Variants in ITGA9 observed in about 807,000 individuals in gnomAD.
ITGA9 encodes the protein integrin subunit alpha 9, also known as integrin alpha-9.
ITGA9 carries 56 observed loss-of-function variants against 127.8 expected under a neutral mutation model. The observed-to-expected ratio is 0.44, with a 90% CI of 0.35 to 0.55. ITGA9 has a LOEUF of 0.55. Ranked by LOEUF, ITGA9 falls within the 20% of genes least tolerant of loss-of-function variation. The probability of loss-of-function intolerance (pLI) is 0.00; values close to 1 mark genes in which losing one functional copy is unlikely to be tolerated. For missense variants in ITGA9, 1,196 were observed against 1,347.1 expected (o/e 0.89, Z 1.76); for synonymous variants, 508 against 514.5 (o/e 0.99, Z 0.17).
chr3:37,795,483 A>T (rs1470258012), intron 26 of ITGA9, among the ~76,000 whole-genome samples: 1 of 152,144 alleles, frequency 6.6e-6, no homozygotes, highest in Non-Finnish European at 1.5e-5. Context: ...CAGCTTGGCA[A>T]CCTCAGGTAC....
intron 5 of ITGA9, among the ~76,000 whole-genome samples, chr3:37,499,417 T>C (rs1375090680): frequency 1.3e-5 from 2 of 152,250 alleles, no homozygotes. Flanking sequence ...GTTCTGCTAA[T>C]AAATGCATCT....
intron 21 of ITGA9, 118 bp from the exon 22 acceptor site, chr3:37,743,808 A>G (rs767136246): frequency 1.6e-5 from 12 of 764,486 alleles, no homozygotes; most frequent in Non-Finnish European, 2.6e-5. Flanking sequence ...CCAGCAGGGA[A>G]GCACTGGGTG....
At chr3:37,603,549 A>G (rs1699941215) in intron 15 of ITGA9, among the ~76,000 whole-genome samples, 1 of 152,198 alleles carries the variant, frequency 6.6e-6, no homozygotes. Flanking sequence ...CCGTCAGGTT[A>G]TAATAGGGAA....
chr3:37,516,556 A>C (rs1698985682), intron 9 of ITGA9, among the ~76,000 whole-genome samples: 1 of 152,216 alleles, frequency 6.6e-6, no homozygotes, highest in Non-Finnish European at 1.5e-5. Flanking sequence ...ACTACACTGA[A>C]AGAAAGAAAT....
At chr3:37,780,093 A>G in intron 25 of ITGA9, 72 bp downstream of exon 25, 1 of 1,578,202 alleles carries the variant, frequency 6.3e-7, no homozygotes, top group South Asian at 1.1e-5. Context: ...ATTTTGGGTA[A>G]AAAAAAGGAA....
chr3:37,752,969 C>T (rs1033898996), intron 23 of ITGA9, among the ~76,000 whole-genome samples: 10 of 152,140 alleles, frequency 6.6e-5, no homozygotes, highest in African/African-American at 2.4e-4. Flanking sequence ...TTGTATTTAC[C>T]TTAAAAACAG....
intron 26 of ITGA9, chr3:37,790,948 A>T (rs1165470038): frequency 6.6e-6 from 1 of 152,234 alleles, no homozygotes; most frequent in African/African-American, 2.4e-5. Flanking sequence ...GTAGTTAATC[A>T]TGCCCTGGAA....
chr3:37,460,147 T>C (rs1029931288), intron 1 of ITGA9, among the ~76,000 whole-genome samples: 1 of 152,178 alleles, frequency 6.6e-6, no homozygotes, highest in African/African-American at 2.4e-5. Context: ...CCACCACTTA[T>C]TTAGGAATCT....
chr3:37,514,882 C>T (rs9839925), intron 9 of ITGA9, among the ~76,000 whole-genome samples: 5,625 of 152,158 alleles, frequency 0.037, 311 homozygotes, highest in African/African-American at 0.13. Flanking sequence ...CTTGGTGTCC[C>T]CTATTCTGCA....
intron 6 of ITGA9, 108 bp downstream of exon 6, chr3:37,503,415 C>A: frequency 8.0e-7 from 1 of 1,257,842 alleles, no homozygotes; most frequent in Non-Finnish European, 1.1e-6. Flanking sequence ...TTGGCTTTGA[C>A]GCCTGTTGTT....
intron 26 of ITGA9, among the ~76,000 whole-genome samples, chr3:37,793,097 G>A (rs190418738): frequency 9.2e-5 from 14 of 152,084 alleles, no homozygotes; most frequent in South Asian, 2.1e-4. Context: ...GTTTCCAGTC[G>A]TCATGATGAG....
Position 37,717,333 on chromosome 3 carries a change from G to T in ITGA9, c.2068-15379G>T, listed in dbSNP as rs568457050. ...ATAAGTAAACCCTTAGCTACATCAG[G>T]CAGTTTATGAATGGTGTTTTTTGTT... On this transcript the variant is annotated intron_variant, in intron 18 of 27. Transcript: ENST00000264741. Among the ~76,000 whole-genome samples the T allele has an allele frequency of 2.6e-5, 4 of 152,290 alleles. No homozygotes were observed. The South Asian group carries it at 8.3e-4, about 32-fold the overall frequency.
chr3:37,741,925 C>T (rs947534046), intron 21 of ITGA9, 106 bp downstream of exon 21: 31 of 832,510 alleles, frequency 3.7e-5, no homozygotes, highest in Non-Finnish European at 5.3e-5. Context: ...AGGGCTGTGC[C>T]ACCTCCACTT....
intron 4 of ITGA9, among the ~76,000 whole-genome samples, chr3:37,481,838 C>T (rs1284942717): frequency 6.6e-6 from 1 of 152,226 alleles, no homozygotes; most frequent in East Asian, 1.9e-4. Flanking sequence ...CCTGACTTGG[C>T]TGCAGAGCCC....
At chr3:37,668,861 C>T (rs947161526) in intron 17 of ITGA9, among the ~76,000 whole-genome samples, 1 of 152,254 alleles carries the variant, frequency 6.6e-6, no homozygotes, top group Non-Finnish European at 1.5e-5. Flanking sequence ...CCAGTAGTCA[C>T]TGGCCACGGT....
At chr3:37,489,691 CT>C (rs10579497) in intron 4 of ITGA9, among the ~76,000 whole-genome samples, 1,682 of 132,242 alleles carry the variant, frequency 0.013, 30 homozygotes, top group South Asian at 0.055. Flanking sequence ...TATAATTGCC[CT>C]TTTTTTTTTT....
At chr3:37,491,651 C>G (rs1429338459) in intron 4 of ITGA9, among the ~76,000 whole-genome samples, 1 of 152,186 alleles carries the variant, frequency 6.6e-6, no homozygotes, top group African/African-American at 2.4e-5. Flanking sequence ...GTGGGGCAGC[C>G]CCTTGCCTCT....
chr3:37,786,808 A>G (rs1192719677), intron 26 of ITGA9, among the ~76,000 whole-genome samples: 1 of 152,186 alleles, frequency 6.6e-6, no homozygotes, highest in Non-Finnish European at 1.5e-5. Flanking sequence ...TGCTCTACCC[A>G]CAAGATAAGT....
chr3:37,778,872 G>GTTTT (rs10583231), intron 24 of ITGA9, among the ~76,000 whole-genome samples: 22 of 106,224 alleles, frequency 2.1e-4, no homozygotes, highest in East Asian at 5.5e-4. Flanking sequence ...GAAAGGTTGG[G>GTTTT]TTTTTTTTTT....
Sources: allele counts gnomAD v4.1 joint callset (sites outside exome capture counted in the v4.1 genomes callset), GRCh38; gene constraint gnomAD v4.1.1; transcripts MANE v1.5; gene names NCBI Gene and HGNC (gene_info 2026-07-23, HGNC 2026-07-21).